THSD7A: variants seen among roughly 807,000 people sequenced by gnomAD.
THSD7A encodes the protein thrombospondin type 1 domain containing 7A.
In THSD7A, 96 loss-of-function variants were observed where a neutral mutation model predicts 231.3. That is an observed-to-expected ratio of 0.41 (90% CI 0.35 to 0.49). The LOEUF (loss-of-function observed/expected upper bound fraction) is 0.49. Ranked by LOEUF, THSD7A falls within the 20% of genes least tolerant of loss-of-function variation. The probability of loss-of-function intolerance (pLI) is 0.05; values close to 1 mark genes in which losing one functional copy is unlikely to be tolerated. For missense variants in THSD7A, 2,290 were observed against 2,070.2 expected, an observed-to-expected ratio of 1.11 and a Z score of -2.06; for synonymous variants, 940 against 743.3, an observed-to-expected ratio of 1.26 and a Z score of -4.30.
At chr7:11,756,210 A>G (rs1354980505) in intron 1 of THSD7A, among the ~76,000 whole-genome samples, 1 of 152,048 alleles carries the variant, frequency 6.6e-6, no homozygotes, top group Non-Finnish European at 1.5e-5. Flanking sequence ...CATCTTCTTA[A>G]TTACTCATAA....
rs777352772 is a variant in THSD7A, at chr7:11,590,581, C to G, written c.1332G>C (p.Gln444His). 2.5e-6 allele frequency: 4 copies of G among 1,613,814 alleles called. No homozygotes were observed. The East Asian group carries it at 8.9e-5, about 36-fold the overall frequency. Residue 444 changes from glutamine (Q) to histidine (H), a missense_variant, in exon 4 of 28, where the codon CAG becomes CAC. Transcript: ENST00000423059. This position sits in a 1 kb window ranked among gnomAD's most constrained non-coding sequence, Gnocchi z 4.4. ...CCGTCTGGTTGCCGCGCCTCTTGTCCTGCTGACTGAGCAAAGGGTCCACAC... is the reference window on the plus strand; with the variant it reads ...CCGTCTGGTTGCCGCGCCTCTTGTCGTGCTGACTGAGCAAAGGGTCCACAC... ...ECRVDPLLSQQDKRRGNQTAL... is the reference protein window; with the variant it reads ...ECRVDPLLSQHDKRRGNQTAL...
intron 1 of THSD7A, among the ~76,000 whole-genome samples, chr7:11,712,489 C>T (rs914111448): frequency 4.0e-5 from 6 of 150,900 alleles, no homozygotes; most frequent in African/African-American, 7.3e-5. Flanking sequence ...TGGAAAAGGT[C>T]GACATTTTGA....
chr7:11,701,296 T>C (rs1387944356), intron 1 of THSD7A, among the ~76,000 whole-genome samples: 1 of 151,222 alleles, frequency 6.6e-6, no homozygotes, highest in Non-Finnish European at 1.5e-5. Flanking sequence ...ATACAATTCA[T>C]TTGAAACAAC....
intron 13 of THSD7A, 40 bp from the exon 14 acceptor site, chr7:11,429,165 C>G (rs1206914848): frequency 6.6e-7 from 1 of 1,517,290 alleles, no homozygotes; most frequent in African/African-American, 1.4e-5. Context: ...TCTCCTCCAC[C>G]TGTCACTCTC....
chr7:11,685,011 G>A (rs1423453219), intron 1 of THSD7A, among the ~76,000 whole-genome samples: 1 of 151,958 alleles, frequency 6.6e-6, no homozygotes, highest in Non-Finnish European at 1.5e-5. Context: ...GCATGGTACT[G>A]GTAGAAAAGC....
chr7:11,778,927 T>A (rs1783534781), intron 1 of THSD7A, among the ~76,000 whole-genome samples: 1 of 152,168 alleles, frequency 6.6e-6, no homozygotes, highest in Admixed American at 6.5e-5. Flanking sequence ...TTACATACTT[T>A]ATCTTATTTT....
At chr7:11,445,266 C>G (rs1290380192) in intron 13 of THSD7A, among the ~76,000 whole-genome samples, 1 of 151,856 alleles carries the variant, frequency 6.6e-6, no homozygotes, top group Non-Finnish European at 1.5e-5. Context: ...TTTCAGGCTG[C>G]CCCACTGTAA....
chr7:11,505,606 A>G (rs916727276), intron 6 of THSD7A, among the ~76,000 whole-genome samples: 11 of 152,242 alleles, frequency 7.2e-5, no homozygotes, highest in Admixed American at 3.3e-4. Context: ...CAATTAAAAT[A>G]CACTAAAGAA....
intron 6 of THSD7A, among the ~76,000 whole-genome samples, chr7:11,518,004 C>T (rs1158922220): frequency 6.6e-6 from 1 of 152,158 alleles, no homozygotes; most frequent in Non-Finnish European, 1.5e-5. Context: ...AGGGAACTGC[C>T]TGCAGAGACA....
intron 6 of THSD7A, among the ~76,000 whole-genome samples, chr7:11,519,424 G>A (rs1788170439): frequency 6.6e-6 from 1 of 151,920 alleles, no homozygotes; most frequent in Admixed American, 6.6e-5. Flanking sequence ...ATTTCTCTTC[G>A]TATATGTTCA....
intron 9 of THSD7A, among the ~76,000 whole-genome samples, chr7:11,467,890 TC>T (rs1372652102): frequency 6.6e-6 from 1 of 151,906 alleles, no homozygotes; most frequent in Admixed American, 6.6e-5. Flanking sequence ...AAAATTATTT[TC>T]AAATAAAGGT....
At chr7:11,699,840 A>T (rs1780528416) in intron 1 of THSD7A, among the ~76,000 whole-genome samples, 2 of 151,180 alleles carry the variant, frequency 1.3e-5, no homozygotes, top group Admixed American at 1.3e-4. Context: ...CTATAAAGCG[A>T]CTATAATTTG....
Position 11,794,981 on chromosome 7 carries a change from G to C in THSD7A, c.190+36776C>G, listed in dbSNP as rs577181849. On this transcript the variant is annotated intron_variant, in intron 1 of 27. Transcript: ENST00000423059. ...TTTATAAATACTATCATTGGCTTTT[G>C]GAGTTTTTGTCCTCTAGAACAATTT... Among the ~76,000 whole-genome samples the C allele has an allele frequency of 9.2e-5, 14 of 152,030 alleles. No individual in the cohort carries two copies. In the East Asian group the frequency reaches 2.7e-3, roughly 29 times the overall value.
chr7:11,447,219 A>G lies in THSD7A; in HGVS notation c.2800+11T>C, dbSNP rs964839027. On this transcript the variant is annotated intron_variant, in intron 12 of 27. Coordinates refer to ENST00000423059, the MANE Select transcript of THSD7A (RefSeq NM_015204.3). ...GACGTGTACTGGCTTTGGCATCCCA[A>G]TTATTCTTACCAACAAGAGTGCGCT... 5 of 1,612,674 alleles carry G rather than the reference A, an allele frequency of 3.1e-6. No homozygotes were observed. The highest frequency in any genetic ancestry group is 4.2e-6 in the Non-Finnish European group (5 of 1,179,232).
At chr7:11,765,127 G>A (rs527354966) in intron 1 of THSD7A, among the ~76,000 whole-genome samples, 16 of 152,062 alleles carry the variant, frequency 1.1e-4, no homozygotes, top group African/African-American at 3.9e-4. Flanking sequence ...AACTGATACT[G>A]GAAAATGTGT....
At chr7:11,639,105 T>C (rs1781979104) in intron 1 of THSD7A, among the ~76,000 whole-genome samples, 1 of 152,100 alleles carries the variant, frequency 6.6e-6, no homozygotes, top group African/African-American at 2.4e-5. Flanking sequence ...AAATTAAGAG[T>C]AAACTATATG....
chr7:11,554,313 C>T (rs1789753210), intron 4 of THSD7A, among the ~76,000 whole-genome samples: 1 of 152,024 alleles, frequency 6.6e-6, no homozygotes, highest in Non-Finnish European at 1.5e-5. Context: ...AAGTACCATG[C>T]TTAACGAAGA....
chr7:11,769,153 A>ATATTTTTTTTTTTTTTTTTT, intron 1 of THSD7A, among the ~76,000 whole-genome samples: 8 of 27,648 alleles, frequency 2.9e-4, no homozygotes, highest in Non-Finnish European at 4.9e-4. Flanking sequence ...ATATATATAT[A>ATATTTTTTTTTTTTTTTTTT]TTTTTTTTTT....
intron 1 of THSD7A, among the ~76,000 whole-genome samples, chr7:11,775,869 A>G (rs1783389088): frequency 6.6e-6 from 1 of 152,204 alleles, no homozygotes; most frequent in Admixed American, 6.5e-5. Flanking sequence ...TTAAAAATTC[A>G]AAAAGAAATC....
Sources: allele counts gnomAD v4.1 joint callset (sites outside exome capture counted in the v4.1 genomes callset), GRCh38; gene constraint gnomAD v4.1.1; non-coding constraint Gnocchi (gnomAD v3.1); transcripts MANE v1.5; gene names NCBI Gene and HGNC (gene_info 2026-07-23, HGNC 2026-07-21).